MEIOB: variants seen among roughly 807,000 people sequenced by gnomAD.
MEIOB encodes meiosis specific with OB-fold.
MEIOB carries 50 observed loss-of-function variants against 53.1 expected under a neutral mutation model. The observed-to-expected ratio is 0.94, with a 90% CI of 0.75 to 1.19. The LOEUF is 1.19. Among genes scored for constraint, MEIOB ranks in the 50% most tolerant of loss-of-function variants. The pLI, the probability that MEIOB is intolerant of heterozygous loss-of-function variation, is 0.00. For missense variants in MEIOB, 551 were observed against 550.8 expected (o/e 1.00, Z 0.00); for synonymous variants, 192 against 182.5 (o/e 1.05, Z -0.42).
At chr16:1,851,479 G>A (rs1443865398) in intron 9 of MEIOB, among the ~76,000 whole-genome samples, 10 of 152,074 alleles carry the variant, frequency 6.6e-5, no homozygotes, top group African/African-American at 1.9e-4. Flanking sequence ...CCCTGCTGGA[G>A]GGTAAACTCC....
chr16:1,868,875 A>G (rs1567283242), intron 1 of MEIOB, among the ~76,000 whole-genome samples: 1 of 151,928 alleles, frequency 6.6e-6, no homozygotes, highest in Non-Finnish European at 1.5e-5. Flanking sequence ...TAAATAAAAT[A>G]AAATAAAATA....
intron 6 of MEIOB, among the ~76,000 whole-genome samples, chr16:1,855,021 A>G (rs1899265172): frequency 6.6e-6 from 1 of 152,146 alleles, no homozygotes; most frequent in Admixed American, 6.6e-5. Context: ...AAGGACAGCC[A>G]GAGGCTGAGA....
Position 1,854,201 on chromosome 16 carries a change from CT to C in MEIOB, c.529-2del. ...TTGTAAAGTATTTTGGCTCTCCAAC[CT>C]TAGAAATGGAAATAAATCATTACTC... On this transcript the variant is annotated splice_acceptor_variant, in intron 6 of 13. Coordinates refer to ENST00000325962, the MANE Select transcript of MEIOB (RefSeq NM_001163560.3). LOFTEE classifies it high-confidence loss of function. 1.3e-6 allele frequency: 2 copies of C among 1,524,692 alleles called. No homozygotes were observed. Among genetic ancestry groups the C allele is most frequent in the East Asian group, 2.5e-5 (1 of 40,566 alleles). The allele number at this position is 1,524,692 out of a possible 1,614,324, so 94.4% of individuals were successfully genotyped here.
chr16:1,855,092 A>C (rs5006380), intron 6 of MEIOB, among the ~76,000 whole-genome samples: 125,103 of 151,908 alleles, frequency 0.82, 51,631 homozygotes, highest in Middle Eastern at 0.9. Context: ...GGAGTTTTAA[A>C]GTGAAACGCC....
At chr16:1,869,830 C>CAA (rs1899693221) in intron 1 of MEIOB, among the ~76,000 whole-genome samples, 10 of 151,526 alleles carry the variant, frequency 6.6e-5, no homozygotes, top group Admixed American at 6.6e-4. Flanking sequence ...TACGTAAACA[C>CAA]CTCATATTGA....
intron 3 of MEIOB, among the ~76,000 whole-genome samples, chr16:1,864,906 A>G (rs886796931): frequency 3.3e-5 from 5 of 152,198 alleles, no homozygotes; most frequent in Non-Finnish European, 7.3e-5. Flanking sequence ...AGACTTCCTC[A>G]AACTATTTAT....
rs1567277272 is a variant in MEIOB, at chr16:1,853,207, G to A, written c.682+12C>T. 6.4e-7 allele frequency: 1 copy of A among 1,554,778 alleles called. No individual in the cohort carries two copies. Among genetic ancestry groups the A allele is most frequent in the South Asian group, 1.2e-5 (1 of 85,368 alleles). ...ATGACAAATATTGGACACAATCATT[G>A]AATGATAATACCTGTTTCTCGTGGC... On this transcript the variant is annotated intron_variant, in intron 8 of 13. Coordinates refer to ENST00000325962, the MANE Select transcript of MEIOB (RefSeq NM_001163560.3).
At chr16:1,864,592 G>A (rs555888742) in intron 3 of MEIOB, among the ~76,000 whole-genome samples, 3 of 150,672 alleles carry the variant, frequency 2.0e-5, no homozygotes, top group Non-Finnish European at 4.4e-5. Flanking sequence ...AGGTTCAAGC[G>A]ATTCTCCTGC....
chr16:1,857,946 A>G lies in MEIOB; in HGVS notation c.333-16T>C, dbSNP rs1264396852. On this transcript the variant is annotated splice_polypyrimidine_tract_variant and intron_variant, in intron 5 of 13. Transcript: ENST00000325962. ...TTTACAGTTGCTAAATTGCAAAAAC[A>G]CAAGAAAGTTATTTGAAAGTGATCT... is the stretch of plus-strand genomic sequence containing the variant. 41 of 1,466,018 alleles carry G rather than the reference A, an allele frequency of 2.8e-5. No individual in the cohort carries two copies. The highest frequency in any genetic ancestry group is 1.0e-4 in the East Asian group (4 of 40,058). The allele number at this position is 1,466,018 out of a possible 1,614,324, so 90.8% of individuals were successfully genotyped here. A position where few individuals can be genotyped will look rare whatever the true frequency, so the allele number is the denominator to read the frequency against.
intron 3 of MEIOB, among the ~76,000 whole-genome samples, chr16:1,864,888 G>A (rs2492881): frequency 0.83 from 125,553 of 152,120 alleles, 51,933 homozygotes; most frequent in Middle Eastern, 0.9. Context: ...TTTGGTAAAA[G>A]GAGATATAGA....
chr16:1,868,296 C>T, intron 1 of MEIOB, 112 bp from the exon 2 acceptor site: 1 of 541,494 alleles, frequency 1.8e-6, no homozygotes, highest in Non-Finnish European at 3.3e-6. Flanking sequence ...GTGGCTCATA[C>T]CTGTAATCCC....
intron 6 of MEIOB, among the ~76,000 whole-genome samples, chr16:1,854,445 T>C (rs1334698974): frequency 3.3e-5 from 5 of 152,194 alleles, no homozygotes; most frequent in Admixed American, 3.3e-4. Context: ...AAGTAGAGAC[T>C]GAAAGTCTTT....
chr16:1,841,008 CTTTCTTTT>C (rs1325141799), intron 11 of MEIOB: 2 of 126,548 alleles, frequency 1.6e-5, no homozygotes, highest in African/African-American at 6.1e-5. Flanking sequence ...ACTTTCTTTT[CTTTCTTTT>C]TTTTTTTTTT....
intron 11 of MEIOB, among the ~76,000 whole-genome samples, 200 bp downstream of exon 11, chr16:1,841,620 A>C (rs574449736): frequency 4.6e-5 from 7 of 152,348 alleles, no homozygotes; most frequent in African/African-American, 1.7e-4. Context: ...GGAAATACAG[A>C]TTATATTTTA....
intron 9 of MEIOB, among the ~76,000 whole-genome samples, chr16:1,848,492 T>C (rs1483412008): frequency 6.6e-6 from 1 of 151,310 alleles, no homozygotes; most frequent in Non-Finnish European, 1.5e-5. Context: ...AAGCCAGCAA[T>C]AGCAATAAGG....
At chr16:1,865,904 G>A (rs1331767219) in intron 2 of MEIOB, 69 bp from the exon 3 acceptor site, 4 of 1,073,174 alleles carry the variant, frequency 3.7e-6, no homozygotes, top group Non-Finnish European at 5.4e-6. Flanking sequence ...TAATTTCATG[G>A]GCTTGTTATA....
At chr16:1,847,353 T>G (rs1899051584) in intron 9 of MEIOB, among the ~76,000 whole-genome samples, 2 of 151,724 alleles carry the variant, frequency 1.3e-5, no homozygotes, top group Admixed American at 6.6e-5. Context: ...TCCCAGCTAC[T>G]TGGGGGGCTG....
rs112273044 is a variant in MEIOB at position 1,840,550 on chromosome 16, T to A, written c.1035-1112A>T. Among the ~76,000 whole-genome samples the A allele has an allele frequency of 1.8e-4, 19 of 106,514 alleles. No homozygotes were observed. The South Asian group carries it at 3.5e-3, about 19-fold the overall frequency. The allele number at this position is 106,514 out of a possible 152,430, so 69.9% of individuals were successfully genotyped here. ...ACAAGGGATCTCTCTTATTATTATT[T>A]TTTTTTTTTTTGAGACACAGTCTCG... is the stretch of plus-strand genomic sequence containing the variant. On this transcript the variant is annotated intron_variant, in intron 11 of 13. Coordinates refer to ENST00000325962, the MANE Select transcript of MEIOB (RefSeq NM_001163560.3).
At chr16:1,868,713 G>C (rs987411049) in intron 1 of MEIOB, among the ~76,000 whole-genome samples, 4 of 151,548 alleles carry the variant, frequency 2.6e-5, no homozygotes, top group African/African-American at 9.7e-5. Context: ...AAATTAGCTG[G>C]GCTTGGTGGC....
Sources: gnomAD v4.1 joint callset for allele counts (sites outside exome capture counted in the v4.1 genomes callset) on GRCh38, gnomAD v4.1.1 for gene constraint, MANE v1.5 for transcripts, NCBI Gene and HGNC (gene_info 2026-07-23, HGNC 2026-07-21) for gene names.